PARK7: variants seen among roughly 807,000 people sequenced by gnomAD.
The protein encoded by PARK7 is Parkinsonism associated deglycase, also known as Parkinson disease protein 7.
Under a neutral mutation model 20.5 loss-of-function variants are expected in PARK7, and 14 were observed. The observed-to-expected ratio is 0.68, with a 90% CI of 0.45 to 1.07. The LOEUF is 1.07. Among genes scored for constraint, PARK7 ranks in the 50% least tolerant of loss-of-function variants. PARK7 has a pLI of 0.00. For synonymous variants in PARK7, 98 were observed against 84.3 expected (o/e 1.16, Z -0.89); for missense variants, 234 against 238.1 (o/e 0.98, Z 0.11).
chr1:7,979,666 A>G (rs544467364), intron 6 of PARK7, among the ~76,000 whole-genome samples: 1 of 152,148 alleles, frequency 6.6e-6, no homozygotes, highest in African/African-American at 2.4e-5. Context: ...ACACTTGGCT[A>G]ATTTTTAAAT....
At chr1:7,967,906 G>A (rs1640361382) in intron 3 of PARK7, among the ~76,000 whole-genome samples, 1 of 151,614 alleles carries the variant, frequency 6.6e-6, no homozygotes, top group African/African-American at 2.4e-5. Flanking sequence ...GGTGACAGAG[G>A]TGAGGGCTTC....
chr1:7,977,646 T>C lies in PARK7; in HGVS notation c.323-6T>C, dbSNP rs764484395. 2 of 1,612,340 alleles carry C rather than the reference T, an allele frequency of 1.2e-6. No homozygotes were observed. The highest frequency in any genetic ancestry group is 4.5e-5 in the East Asian group (2 of 44,882). ...TGCACTTAGATCTTTTTATTTTTAT[T>C]CTTAGGTCCTACTGCTCTGTTGGCT... On this transcript the variant is annotated splice_region_variant and splice_polypyrimidine_tract_variant and intron_variant, in intron 5 of 6. Transcript: ENST00000338639.
intron 2 of PARK7, among the ~76,000 whole-genome samples, chr1:7,963,476 C>T (rs1009961434): frequency 4.0e-5 from 6 of 151,408 alleles, no homozygotes; most frequent in Non-Finnish European, 8.8e-5. Context: ...CTCTGCCTCC[C>T]GGGTTCAAGA....
At chr1:7,970,749 T>A (rs74654266) in intron 4 of PARK7, 145 bp from the exon 5 acceptor site, 1 of 781,732 alleles carries the variant, frequency 1.3e-6, no homozygotes, top group East Asian at 2.7e-5. Context: ...ATCATTTTTA[T>A]ACCAATGATT....
intron 3 of PARK7, among the ~76,000 whole-genome samples, chr1:7,966,129 A>G (rs1254822398): frequency 6.6e-6 from 1 of 151,674 alleles, no homozygotes; most frequent in Non-Finnish European, 1.5e-5. Flanking sequence ...GCTTTTGCAC[A>G]CTCCGTCGTG....
chr1:7,968,484 T>C (rs2151430487), intron 3 of PARK7, among the ~76,000 whole-genome samples: 1 of 152,212 alleles, frequency 6.6e-6, no homozygotes, highest in East Asian at 1.9e-4. Context: ...GAAAAATTTT[T>C]TGTGCCTTTT....
Position 7,962,779 on chromosome 1 carries a change from C to G in PARK7, c.-7C>G, listed in dbSNP as rs770994769. On this transcript the variant is annotated 5_prime_UTR_variant, in exon 2 of 7. Coordinates refer to ENST00000338639, the MANE Select transcript of PARK7 (RefSeq NM_007262.5). Reference sequence around the variant, plus strand: ...TTTTTTAAGGCTTGTAAACATATAACATAAAAATGGCTTCCAAAAGAGCTC... The same window carrying G: ...TTTTTTAAGGCTTGTAAACATATAAGATAAAAATGGCTTCCAAAAGAGCTC... 1.8e-6 allele frequency: 2 copies of G among 1,097,378 alleles called. No individual in the cohort carries two copies. Among genetic ancestry groups the G allele is most frequent in the African/African-American group, 3.6e-5 (2 of 56,198 alleles). The allele number at this position is 1,097,378 out of a possible 1,614,324, so 68.0% of individuals were successfully genotyped here.
intron 4 of PARK7, among the ~76,000 whole-genome samples, chr1:7,970,021 A>G (rs902671761): frequency 6.6e-5 from 10 of 152,106 alleles, no homozygotes; most frequent in African/African-American, 2.2e-4. Context: ...TCGAGACGCC[A>G]TCTCTACAAA....
intron 5 of PARK7, among the ~76,000 whole-genome samples, chr1:7,975,656 C>T (rs1640569432): frequency 6.6e-6 from 1 of 152,140 alleles, no homozygotes; most frequent in Non-Finnish European, 1.5e-5. Flanking sequence ...TCAGTAAATT[C>T]CTGAATCCAA....
intron 6 of PARK7, among the ~76,000 whole-genome samples, chr1:7,979,975 C>T (rs184304343): frequency 6.2e-4 from 94 of 152,032 alleles, no homozygotes; most frequent in Middle Eastern, 3.4e-3. Flanking sequence ...CTGGCTAACA[C>T]GGTGAAACCC....
chr1:7,983,431 T>C (rs1260631555), intron 6 of PARK7, among the ~76,000 whole-genome samples: 2 of 152,222 alleles, frequency 1.3e-5, no homozygotes, highest in Non-Finnish European at 2.9e-5. Context: ...CCTTGAAGCC[T>C]CCTCACCTAG....
At position 7,984,366 on chromosome 1, in the gene PARK7, G is replaced by A. The variant is rs1248651350; in HGVS notation, c.410-528G>A. Among the ~76,000 whole-genome samples, 1 of 152,182 alleles carries A rather than the reference G, an allele frequency of 6.6e-6. No homozygotes were observed. Among genetic ancestry groups the A allele is most frequent in the Non-Finnish European group, 1.5e-5 (1 of 68,030 alleles). On this transcript the variant is annotated intron_variant, in intron 6 of 6. Coordinates refer to ENST00000338639, the MANE Select transcript of PARK7 (RefSeq NM_007262.5). The surrounding 1 kb of genome is among the most constrained non-coding windows in gnomAD (Gnocchi z 4.3). ...CCAACCGGCGGGCCTGGAGGTGCGG[G>A]GATGCGGAAGGAAAGTAGTCCTTGA...
intron 5 of PARK7, 38 bp downstream of exon 5, chr1:7,971,001 G>C: frequency 6.2e-7 from 1 of 1,606,752 alleles, no homozygotes; most frequent in Non-Finnish European, 8.5e-7. Flanking sequence ...AGCGTCATTG[G>C]TGGGTGGGGT....
chr1:7,979,307 C>T lies in PARK7; in HGVS notation c.409+1569C>T, dbSNP rs146149953. Among the ~76,000 whole-genome samples the T allele has an allele frequency of 4.8e-4, 73 of 152,278 alleles. No individual in the cohort carries two copies. The East Asian group carries it at 0.013, about 28-fold the overall frequency. ...CCCGTCTACCTTGACCCACTCGCCA[C>T]TCCCCAGGCCCCCGCCCCTGGCCAT... On this transcript the variant is annotated intron_variant, in intron 6 of 6. Coordinates refer to ENST00000338639, the MANE Select transcript of PARK7 (RefSeq NM_007262.5).
At chr1:7,964,489 ATG>A (rs1640285374) in intron 2 of PARK7, among the ~76,000 whole-genome samples, 1 of 152,230 alleles carries the variant, frequency 6.6e-6, no homozygotes, top group Non-Finnish European at 1.5e-5. Context: ...GTTGCACTGA[ATG>A]CCACAATCTA....
At chr1:7,977,551 C>A in intron 5 of PARK7, 101 bp from the exon 6 acceptor site, 1 of 1,044,058 alleles carries the variant, frequency 9.6e-7, no homozygotes, top group Non-Finnish European at 1.5e-6. Context: ...TCCCCAATTG[C>A]TGGGATTACA....
chr1:7,970,795 T>C, intron 4 of PARK7, 99 bp from the exon 5 acceptor site: 1 of 1,094,646 alleles, frequency 9.1e-7, no homozygotes, highest in Non-Finnish European at 1.4e-6. Flanking sequence ...AGAGAGCTTG[T>C]GGTTTAAACT....
intron 6 of PARK7, among the ~76,000 whole-genome samples, chr1:7,982,022 C>T (rs1447194719): frequency 7.9e-6 from 1 of 126,166 alleles, no homozygotes; most frequent in Non-Finnish European, 1.6e-5. Flanking sequence ...CTCACCCAGG[C>T]TGAAGTGCAG....
chr1:7,964,988 AT>A (rs1250319496), intron 2 of PARK7, among the ~76,000 whole-genome samples: 5 of 152,210 alleles, frequency 3.3e-5, no homozygotes, highest in Non-Finnish European at 7.3e-5. Context: ...AGACCTAGTT[AT>A]TAAATATATT....
Sources: gnomAD v4.1 joint callset for allele counts (sites outside exome capture counted in the v4.1 genomes callset) on GRCh38, gnomAD v4.1.1 for gene constraint, Gnocchi (gnomAD v3.1) non-coding constraint, MANE v1.5 for transcripts, NCBI Gene and HGNC (gene_info 2026-07-23, HGNC 2026-07-21) for gene names.